GLI3: variants seen among roughly 807,000 people sequenced by gnomAD.
GLI3 encodes the protein transcription activator GLI3.
GLI3 carries 20 observed loss-of-function variants against 100.8 expected under a neutral mutation model. The ratio of observed to expected loss-of-function variants is 0.20; its 90% CI spans 0.14 to 0.29. The LOEUF (loss-of-function observed/expected upper bound fraction) is 0.29. Among genes scored for constraint, GLI3 ranks in the 10% least tolerant of loss-of-function variants. The probability of loss-of-function intolerance (pLI) is 1.00; values close to 1 mark genes in which losing one functional copy is unlikely to be tolerated. For synonymous variants in GLI3, 938 were observed against 860.5 expected (o/e 1.09, Z -1.58); for missense variants, 2,040 against 2,128.5 (o/e 0.96, Z 0.82).
chr7:42,113,363 G>A, intron 3 of GLI3: 2 of 672,180 alleles, frequency 3.0e-6, no homozygotes, highest in Non-Finnish European at 5.5e-6. Context: ...GTTGTTGCCA[G>A]CATGCCCAAG....
At chr7:41,980,312 A>G (rs1408114831) in intron 10 of GLI3, among the ~76,000 whole-genome samples, 1 of 152,234 alleles carries the variant, frequency 6.6e-6, no homozygotes, top group Non-Finnish European at 1.5e-5. Context: ...AGGTATAGGA[A>G]GAGAACAGAT....
At chr7:42,130,683 GAAAA>G (rs1786254039) in intron 3 of GLI3, among the ~76,000 whole-genome samples, 1 of 152,002 alleles carries the variant, frequency 6.6e-6, no homozygotes, top group South Asian at 2.1e-4. Context: ...TGGGAAGAAA[GAAAA>G]GAGAAAACAC....
In GLI3 at chr7:42,003,204, T is replaced by C. The variant is rs188204897; in HGVS notation, c.1497+20264A>G. On this transcript the variant is annotated intron_variant, in intron 10 of 14. Coordinates refer to ENST00000395925, the MANE Select transcript of GLI3 (RefSeq NM_000168.6). ...TGAAATATCAAAAGAAAGAAGACAG[T>C]CAAAATTCATGGAAGTCAAAGGTAA... Among the ~76,000 whole-genome samples, 507 of 152,220 alleles carry C rather than the reference T, an allele frequency of 3.3e-3. 5 individuals carry two copies. Among genetic ancestry groups the C allele is most frequent in the African/African-American group, 0.012 (478 of 41,532 alleles).
intron 1 of GLI3, among the ~76,000 whole-genome samples, chr7:42,233,454 G>A (rs1057143562): frequency 1.6e-4 from 24 of 152,192 alleles, no homozygotes; most frequent in Admixed American, 1.5e-3. Context: ...ACTGCCCATG[G>A]ACATGTTTTT....
upstream of GLI3, among the ~76,000 whole-genome samples, chr7:42,237,467 C>T (rs1041746283): frequency 1.3e-5 from 2 of 152,054 alleles, no homozygotes; most frequent in Non-Finnish European, 2.9e-5. Flanking sequence ...AGAAGCCCCC[C>T]GCCCCGACCT....
At chr7:42,005,402 T>C (rs73100811) in intron 10 of GLI3, among the ~76,000 whole-genome samples, 20,695 of 151,650 alleles carry the variant, frequency 0.14, 1,962 homozygotes, top group East Asian at 0.37. Flanking sequence ...GATAGATGGA[T>C]GGATGTGGTG....
chr7:42,248,671 T>A (rs1326801487), intron 1 of GLI3, among the ~76,000 whole-genome samples: 1 of 152,228 alleles, frequency 6.6e-6, no homozygotes, highest in African/African-American at 2.4e-5. Flanking sequence ...ATATAGTAGA[T>A]GGAAAAATTA....
At chr7:42,102,256 AT>A (rs943605948) in intron 3 of GLI3, among the ~76,000 whole-genome samples, 14 of 152,236 alleles carry the variant, frequency 9.2e-5, no homozygotes, top group African/African-American at 3.1e-4. Context: ...CTGAGGAATC[AT>A]TTTTTTAAAA....
intron 10 of GLI3, among the ~76,000 whole-genome samples, chr7:41,982,283 C>T (rs1433808100): frequency 1.3e-5 from 2 of 152,188 alleles, no homozygotes; most frequent in African/African-American, 4.8e-5. Context: ...AAAAGGGAGG[C>T]ATCTCTCTGC....
chr7:42,175,119 C>T (rs1012790331), intron 2 of GLI3, among the ~76,000 whole-genome samples: 1 of 152,150 alleles, frequency 6.6e-6, no homozygotes, highest in Non-Finnish European at 1.5e-5. Context: ...ATCAAAAACA[C>T]ACCACCTATG....
At chr7:42,083,177 C>T (rs1370116911) in intron 3 of GLI3, among the ~76,000 whole-genome samples, 1 of 152,134 alleles carries the variant, frequency 6.6e-6, no homozygotes, top group East Asian at 1.9e-4. Flanking sequence ...TAACCATTCC[C>T]ACTCCCTGCT....
chr7:42,247,293 A>G (rs1223871436), intron 1 of GLI3, among the ~76,000 whole-genome samples: 2 of 152,116 alleles, frequency 1.3e-5, no homozygotes, highest in African/African-American at 4.8e-5. Context: ...GCAACCACCG[A>G]TGTCCTTCTT....
At chr7:42,229,824 G>T (rs77081722) in intron 1 of GLI3, among the ~76,000 whole-genome samples, 4,500 of 152,004 alleles carry the variant, frequency 0.03, 202 homozygotes, top group African/African-American at 0.1. Flanking sequence ...TGAACTTTTT[G>T]ATCAATTCTG....
rs140985596 is a variant in GLI3, at chr7:42,130,775, T to C, written c.367+17451A>G. On this transcript the variant is annotated intron_variant, in intron 3 of 14. Transcript: ENST00000395925. ...TGAATCTTCAGATTCAAATGGTCCA[T>C]GAAGGGATGGGCAGAATTAATGAAA... Among the ~76,000 whole-genome samples, 374 of 152,204 alleles carry C rather than the reference T, an allele frequency of 2.5e-3. 2 individuals are homozygous for C. Among genetic ancestry groups the C allele is most frequent in the African/African-American group, 8.5e-3 (353 of 41,534 alleles).
chr7:42,170,387 A>C (rs1787344444), intron 2 of GLI3, among the ~76,000 whole-genome samples: 1 of 147,548 alleles, frequency 6.8e-6, no homozygotes, highest in African/African-American at 2.5e-5. Context: ...CTTACAGAGA[A>C]CTTACTGATC....
intron 2 of GLI3, among the ~76,000 whole-genome samples, chr7:42,198,746 T>C (rs1787978873): frequency 6.6e-6 from 1 of 151,848 alleles, no homozygotes; most frequent in Non-Finnish European, 1.5e-5. Context: ...GATACCTCCT[T>C]GAGATGCATA....
intron 1 of GLI3, among the ~76,000 whole-genome samples, chr7:42,255,164 A>G (rs1789073032): frequency 1.3e-5 from 2 of 149,508 alleles, no homozygotes; most frequent in East Asian, 1.9e-4. Context: ...CCTTCACCCT[A>G]TTGTTAATGC....
chr7:42,066,797 T>A (rs1224986612), intron 4 of GLI3, among the ~76,000 whole-genome samples: 1 of 152,186 alleles, frequency 6.6e-6, no homozygotes, highest in Non-Finnish European at 1.5e-5. Flanking sequence ...GGACTATTCT[T>A]CCCTCAATCC....
At chr7:42,010,084 A>T (rs1788570071) in intron 10 of GLI3, among the ~76,000 whole-genome samples, 1 of 152,234 alleles carries the variant, frequency 6.6e-6, no homozygotes, top group Admixed American at 6.5e-5. Flanking sequence ...GAATGCTTAC[A>T]GTGGCTTTCT....
Sources: gnomAD v4.1 joint callset for allele counts (sites outside exome capture counted in the v4.1 genomes callset) on GRCh38, gnomAD v4.1.1 for gene constraint, MANE v1.5 for transcripts, NCBI Gene and HGNC (gene_info 2026-07-23, HGNC 2026-07-21) for gene names.